Variants in ZBED6 observed in about 807,000 individuals in gnomAD.
The protein encoded by ZBED6 is zinc finger BED domain-containing protein 6.
In ZBED6, 40 loss-of-function variants were observed where a neutral mutation model predicts 58.4. The observed-to-expected ratio is 0.68, with a 90% confidence interval of 0.53 to 0.89. The LOEUF is 0.89. ZBED6 is among the 40% of genes least tolerant of loss of function. The pLI, the probability that ZBED6 is intolerant of heterozygous loss-of-function variation, is 0.00. For synonymous variants in ZBED6, 439 were observed against 350.6 expected (o/e 1.25, Z -2.82); for missense variants, 1,057 against 1,003.9 (o/e 1.05, Z -0.71).
At chr1:203,799,697 A>G (rs1424334648) in exon 1 of ZBED6, 8 of 714,142 alleles carry the variant, frequency 1.1e-5, no homozygotes, top group Non-Finnish European at 2.0e-5. Flanking sequence ...CCCTGCAGAA[A>G]CTCAGAGAAG....
chr1:203,804,193 C>A (rs1207969034), intron 1 of ZBED6, among the ~76,000 whole-genome samples: 1 of 148,638 alleles, frequency 6.7e-6, no homozygotes, highest in Non-Finnish European at 1.5e-5. Flanking sequence ...GCTCTGTCGC[C>A]CAGGCTGGAG....
intron 8 of ZBED6, among the ~76,000 whole-genome samples, chr1:203,832,122 G>A (rs1269991811): frequency 6.6e-6 from 1 of 152,144 alleles, no homozygotes; most frequent in East Asian, 1.9e-4. Flanking sequence ...GCAATGGCAT[G>A]ATCTCAGCTC....
intron 3 of ZBED6, among the ~76,000 whole-genome samples, chr1:203,819,098 A>G (rs1353571814): frequency 6.8e-6 from 1 of 146,650 alleles, no homozygotes; most frequent in Non-Finnish European, 1.5e-5. Flanking sequence ...ATACACACAC[A>G]CACACACACA....
upstream of ZBED6, chr1:203,795,697 G>T (rs1262035429): frequency 6.6e-6 from 1 of 152,264 alleles, no homozygotes; most frequent in East Asian, 1.9e-4. Flanking sequence ...CTGCTGCTGG[G>T]AGGACGACGG....
Position 203,844,616 on chromosome 1 carries a change from C to A in ZBED6, c.*3742-2568C>A, listed in dbSNP as rs146295620. Reference sequence around the variant, plus strand: ...GTTGTAAGTACCTGGCTTGGGTTTCCTTTCATTTTAAAGACCCTTTCCCCA... The same window carrying A: ...GTTGTAAGTACCTGGCTTGGGTTTCATTTCATTTTAAAGACCCTTTCCCCA... On this transcript the variant is annotated intron_variant, in intron 11 of 16. Transcript: ENST00000550078. 9.1e-3 allele frequency among the ~76,000 whole-genome samples: 1,374 copies of A among 151,652 alleles called. 9 individuals carry two copies. Among genetic ancestry groups the A allele is most frequent in the Non-Finnish European group, 0.014 (971 of 67,872 alleles).
chr1:203,818,430 T>C, intron 2 of ZBED6, 140 bp from the exon 3 acceptor site: 1 of 1,128,046 alleles, frequency 8.9e-7, no homozygotes, highest in African/African-American at 1.6e-5. Flanking sequence ...GTTCCTGTCA[T>C]TCCATGTCCA....
intron 11 of ZBED6, among the ~76,000 whole-genome samples, chr1:203,845,648 G>C (rs1687682023): frequency 6.6e-6 from 1 of 151,884 alleles, no homozygotes; most frequent in African/African-American, 2.4e-5. Flanking sequence ...TAAATCTCTT[G>C]AGACCAGGAG....
intron 1 of ZBED6, among the ~76,000 whole-genome samples, chr1:203,806,712 C>T (rs1571952675): frequency 6.6e-6 from 1 of 152,076 alleles, no homozygotes; most frequent in East Asian, 1.9e-4. Context: ...GTTAGTTTAC[C>T]TCTAGTGTTT....
chr1:203,829,962 A>T (rs1266466384), intron 6 of ZBED6, 66 bp downstream of exon 6: 6 of 1,460,666 alleles, frequency 4.1e-6, no homozygotes, highest in Non-Finnish European at 5.8e-6. Context: ...TTTAGTTCAC[A>T]ATCATTGACC....
At chr1:203,815,667 A>G (rs1331876571) in intron 1 of ZBED6, among the ~76,000 whole-genome samples, 4 of 152,174 alleles carry the variant, frequency 2.6e-5, no homozygotes, top group Non-Finnish European at 5.9e-5. Flanking sequence ...ACCCATGTTC[A>G]GTGTCAGACT....
chr1:203,821,820 C>T (rs1363473487), intron 3 of ZBED6, among the ~76,000 whole-genome samples: 8 of 151,322 alleles, frequency 5.3e-5, no homozygotes, highest in African/African-American at 7.3e-5. Flanking sequence ...TGCAGTGGCG[C>T]GATCTCCGCT....
At chr1:203,812,762 A>C (rs1217103996) in intron 1 of ZBED6, among the ~76,000 whole-genome samples, 2 of 151,670 alleles carry the variant, frequency 1.3e-5, no homozygotes, top group East Asian at 3.9e-4. Context: ...TTGTATTTTT[A>C]GTAGAGATGG....
At chr1:203,842,036 A>G (rs1024813676) in intron 11 of ZBED6, among the ~76,000 whole-genome samples, 1 of 149,798 alleles carries the variant, frequency 6.7e-6, no homozygotes, top group African/African-American at 2.5e-5. Flanking sequence ...CACATCTCAG[A>G]CGATGGGCGG....
chr1:203,821,679 C>T (rs1003808416), intron 3 of ZBED6, among the ~76,000 whole-genome samples: 2 of 152,066 alleles, frequency 1.3e-5, no homozygotes, highest in African/African-American at 2.4e-5. Context: ...TCATCACTTT[C>T]AGGTCCTCTC....
chr1:203,812,028 G>A (rs1674650531), intron 1 of ZBED6, among the ~76,000 whole-genome samples: 1 of 152,134 alleles, frequency 6.6e-6, no homozygotes, highest in Non-Finnish European at 1.5e-5. Context: ...TGTTGGCCAG[G>A]CTGGTCTTGA....
chr1:203,799,535 A>G (rs1322698908), exon 1 of ZBED6: 3 of 702,894 alleles, frequency 4.3e-6, no homozygotes, highest in Non-Finnish European at 7.8e-6. Flanking sequence ...GTCTTGGTAG[A>G]GCCAGTGGAG....
chr1:203,806,064 T>G, intron 1 of ZBED6: 1 of 515,314 alleles, frequency 1.9e-6, no homozygotes, highest in Middle Eastern at 4.2e-4. Flanking sequence ...GCTTTTGTTT[T>G]AAAACTCGCA....
At chr1:203,819,529 ATTTTT>A (rs755259647) in intron 3 of ZBED6, among the ~76,000 whole-genome samples, 2 of 72,890 alleles carry the variant, frequency 2.7e-5, no homozygotes, top group Non-Finnish European at 2.6e-5. Flanking sequence ...GCTGACTCCA[ATTTTT>A]TTTTTTTTTT....
At chr1:203,847,294 C>T in exon 12 of ZBED6, 1 of 1,613,816 alleles carries the variant, frequency 6.2e-7, no homozygotes, top group Non-Finnish European at 8.5e-7. Flanking sequence ...GACAGAAGGA[C>T]CTTCAAAAAC....
Sources: allele counts gnomAD v4.1 joint callset (sites outside exome capture counted in the v4.1 genomes callset), GRCh38; gene constraint gnomAD v4.1.1; transcripts MANE v1.5; gene names NCBI Gene and HGNC (gene_info 2026-07-23, HGNC 2026-07-21).